NUDCD2: variants seen among roughly 807,000 people sequenced by gnomAD.
NUDCD2 encodes the protein NudC domain containing 2.
NUDCD2 carries 16 observed loss-of-function variants against 20.8 expected under a neutral mutation model. That is an observed-to-expected ratio of 0.77 (90% confidence interval 0.52 to 1.17). The LOEUF is 1.17. Ranked by LOEUF, NUDCD2 falls within the 50% of genes most tolerant of loss-of-function variation. NUDCD2 has a pLI of 0.00. For missense variants in NUDCD2, 199 were observed against 193.9 expected (o/e 1.03, Z -0.16); for synonymous variants, 87 against 72.8 (o/e 1.20, Z -1.00).
At chr5:163,459,769 G>T (rs753132576) in intron 1 of NUDCD2, 93 bp downstream of exon 1, 7 of 1,139,102 alleles carry the variant, frequency 6.1e-6, no homozygotes, top group Non-Finnish European at 7.5e-6. Flanking sequence ...GCCAGCCACA[G>T]GAGCCGTCGG....
At chr5:163,459,393 A>G (rs1758412424) in intron 1 of NUDCD2, 1 of 152,196 alleles carries the variant, frequency 6.6e-6, no homozygotes, top group Non-Finnish European at 1.5e-5. Flanking sequence ...TGAGAAAACT[A>G]ATCACCTGAC....
In NUDCD2 at chr5:163,447,227, G is replaced by T; in HGVS notation, c.*6740C>A. ...AATGCTTTGGGAAGCCAAGGTGGGA[G>T]GATTGCTTGAGGCCAAGAGTTCAAG... On this transcript the variant is annotated 3_prime_UTR_variant, in exon 4 of 4. Transcript: ENST00000302764. 1 of 152,800 alleles carries T rather than the reference G, an allele frequency of 6.5e-6. No homozygotes were observed. The highest frequency in any genetic ancestry group is 1.9e-4 in the South Asian group (1 of 5,332). 9.5% of individuals were successfully genotyped at this position (152,800 alleles called of 1,614,324 possible). A position where few individuals can be genotyped will look rare whatever the true frequency, so the allele number is the denominator to read the frequency against.
At chr5:163,457,514 T>A in intron 2 of NUDCD2, 48 bp downstream of exon 2, 1 of 1,106,498 alleles carries the variant, frequency 9.0e-7, no homozygotes, top group Non-Finnish European at 1.4e-6. Context: ...GGAAAAGATA[T>A]CAAGACAAAA....
rs1015264351 is a variant in NUDCD2, at chr5:163,452,812, A to C, written c.*1155T>G. 7 of 152,208 alleles carry C rather than the reference A, an allele frequency of 4.6e-5. No individual in the cohort carries two copies. Among genetic ancestry groups the C allele is most frequent in the Non-Finnish European group, 8.8e-5 (6 of 68,026 alleles). 9.4% of individuals were successfully genotyped at this position (152,208 alleles called of 1,614,324 possible). On this transcript the variant is annotated 3_prime_UTR_variant, in exon 4 of 4. Transcript: ENST00000302764. Reference sequence around the variant, plus strand: ...CTCAAAATAAGGGGTGTTCTACAAAACTAGCCCATAATTGTCAAAAGTACT... The same window carrying C: ...CTCAAAATAAGGGGTGTTCTACAAACCTAGCCCATAATTGTCAAAAGTACT...
rs140413678 is a variant in NUDCD2, at chr5:163,446,655, T to C, written c.*7312A>G. 6.6e-6 allele frequency: 1 copy of C among 152,228 alleles called. No individual in the cohort carries two copies. The highest frequency in any genetic ancestry group is 1.5e-5 in the Non-Finnish European group (1 of 68,032). 9.4% of individuals were successfully genotyped at this position (152,228 alleles called of 1,614,324 possible). On this transcript the variant is annotated 3_prime_UTR_variant, in exon 4 of 4. Transcript: ENST00000302764. ...TAATAACTTTGATAAAATGTTATTA[T>C]TTATTAAATCTATTTTTCAGAAACC...
At chr5:163,456,875 TTGA>T (rs1339219193) in intron 3 of NUDCD2, 51 bp downstream of exon 3, 6 of 1,152,856 alleles carry the variant, frequency 5.2e-6, no homozygotes, top group Non-Finnish European at 7.0e-6. Flanking sequence ...AAATATTTAT[TTGA>T]TGATTTTTAT....
chr5:163,455,614 A>G (rs1758283720), intron 3 of NUDCD2, among the ~76,000 whole-genome samples: 1 of 152,166 alleles, frequency 6.6e-6, no homozygotes. Context: ...ATACAAAAAA[A>G]TTAGCCGTGC....
Position 163,453,872 on chromosome 5 carries a change from G to A in NUDCD2, c.*95C>T. On this transcript the variant is annotated 3_prime_UTR_variant, in exon 4 of 4. Coordinates refer to ENST00000302764, the MANE Select transcript of NUDCD2 (RefSeq NM_145266.6). ...AGATACATTTTGCAATCTGTTAACT[G>A]TAGGCATCCGCATTTTTCTTCCATT... is the stretch of plus-strand genomic sequence containing the variant. 1 of 561,466 alleles carries A rather than the reference G, an allele frequency of 1.8e-6. No individual in the cohort carries two copies. The highest frequency in any genetic ancestry group is 3.0e-5 in the East Asian group (1 of 33,512). The allele number at this position is 561,466 out of a possible 1,614,324, so 34.8% of individuals were successfully genotyped here.
chr5:163,451,583 C>T lies in NUDCD2; in HGVS notation c.*2384G>A, dbSNP rs1376307520. Reference sequence around the variant, plus strand: ...AATAAAATTAAAAGAAAAATAGCCTCTTCCCCCGACAATTCATTCCTAAAA... The same window carrying T: ...AATAAAATTAAAAGAAAAATAGCCTTTTCCCCCGACAATTCATTCCTAAAA... On this transcript the variant is annotated 3_prime_UTR_variant, in exon 4 of 4. Transcript: ENST00000302764. 6.6e-6 allele frequency: 1 copy of T among 152,196 alleles called. No homozygotes were observed. Among genetic ancestry groups the T allele is most frequent in the Non-Finnish European group, 1.5e-5 (1 of 68,040 alleles). 9.4% of individuals were successfully genotyped at this position (152,196 alleles called of 1,614,324 possible).
intron 3 of NUDCD2, among the ~76,000 whole-genome samples, chr5:163,454,767 G>A (rs998576354): frequency 1.3e-5 from 2 of 152,076 alleles, no homozygotes; most frequent in Non-Finnish European, 2.9e-5. Flanking sequence ...CTTTTTGGTG[G>A]GCTATTTCGT....
Position 163,453,896 on chromosome 5 carries a change from T to G in NUDCD2, c.*71A>C. The G allele has an allele frequency of 1.3e-6, 1 of 761,640 alleles. No individual in the cohort carries two copies. The highest frequency in any genetic ancestry group is 2.0e-6 in the Non-Finnish European group (1 of 490,134). The allele number at this position is 761,640 out of a possible 1,614,324, so 47.2% of individuals were successfully genotyped here. On this transcript the variant is annotated 3_prime_UTR_variant, in exon 4 of 4. Transcript: ENST00000302764. Reference sequence around the variant, plus strand: ...TGTAGGCATCCGCATTTTTCTTCCATTACATAATCTGTTTATCTGATTAAG... The same window carrying G: ...TGTAGGCATCCGCATTTTTCTTCCAGTACATAATCTGTTTATCTGATTAAG...
At chr5:163,457,270 T>A (rs998293970) in intron 2 of NUDCD2, among the ~76,000 whole-genome samples, 190 bp from the exon 3 acceptor site, 1 of 152,008 alleles carries the variant, frequency 6.6e-6, no homozygotes, top group Admixed American at 6.6e-5. Context: ...TAGCTGGGAA[T>A]ACAGGCATGC....
chr5:163,457,282 C>G (rs1758345173), intron 2 of NUDCD2, among the ~76,000 whole-genome samples: 1 of 152,118 alleles, frequency 6.6e-6, no homozygotes, highest in Admixed American at 6.5e-5. Context: ...CAGGCATGCG[C>G]CACCATGCCC....
At chr5:163,454,879 C>CTTAA (rs1245142125) in intron 3 of NUDCD2, among the ~76,000 whole-genome samples, 3 of 152,078 alleles carry the variant, frequency 2.0e-5, no homozygotes, top group Non-Finnish European at 4.4e-5. Flanking sequence ...TCTAGTGGAA[C>CTTAA]TTAACATTCT....
At chr5:163,455,696 G>A (rs2431752) in intron 3 of NUDCD2, among the ~76,000 whole-genome samples, 15,357 of 150,332 alleles carry the variant, frequency 0.1, 839 homozygotes, top group Middle Eastern at 0.12. Flanking sequence ...TCCGGGAGGC[G>A]GAGCTTGCAG....
At chr5:163,455,503 C>T (rs1758278690) in intron 3 of NUDCD2, among the ~76,000 whole-genome samples, 1 of 152,222 alleles carries the variant, frequency 6.6e-6, no homozygotes. Flanking sequence ...GTGGTTCACG[C>T]CTGTAATCCC....
intron 2 of NUDCD2, 143 bp from the exon 3 acceptor site, chr5:163,457,223 C>T (rs953991940): frequency 1.3e-5 from 11 of 854,754 alleles, no homozygotes; most frequent in Non-Finnish European, 1.9e-5. Context: ...CCTCCGCCCC[C>T]CGGGTTCAAG....
At chr5:163,459,733 G>A in intron 1 of NUDCD2, 129 bp downstream of exon 1, 1 of 755,030 alleles carries the variant, frequency 1.3e-6, no homozygotes, top group Non-Finnish European at 2.1e-6. Context: ...CCCAAACCTG[G>A]TCAGTGTTAT....
At chr5:163,458,887 G>A (rs1030631974) in intron 1 of NUDCD2, 1 of 152,168 alleles carries the variant, frequency 6.6e-6, no homozygotes, top group Non-Finnish European at 1.5e-5. Context: ...TGAGATCCAA[G>A]CTGACATAAT....
Sources: allele counts gnomAD v4.1 joint callset (sites outside exome capture counted in the v4.1 genomes callset), GRCh38; gene constraint gnomAD v4.1.1; transcripts MANE v1.5; gene names NCBI Gene and HGNC (gene_info 2026-07-23, HGNC 2026-07-21).